KIF6: variants seen among roughly 807,000 people sequenced by gnomAD.
KIF6 encodes the protein kinesin family member 6.
Under a neutral mutation model 112.7 loss-of-function variants are expected in KIF6, and 106 were observed. The ratio of observed to expected loss-of-function variants is 0.94; its 90% CI spans 0.80 to 1.11. The LOEUF is 1.11. Ranked by LOEUF, KIF6 falls within the 50% of genes least tolerant of loss-of-function variation. The pLI is 0.00. For synonymous variants in KIF6, 339 were observed against 339.9 expected (o/e 1.00, Z 0.03); for missense variants, 929 against 964.0 (o/e 0.96, Z 0.48).
chr6:39,412,580 G>A (rs966020546), intron 15 of KIF6, among the ~76,000 whole-genome samples: 2 of 152,138 alleles, frequency 1.3e-5, no homozygotes, highest in African/African-American at 4.8e-5. Context: ...GTAATACACA[G>A]TCGGTTCTCT....
chr6:39,365,878 A>C (rs1255108376), intron 16 of KIF6, among the ~76,000 whole-genome samples: 1 of 152,136 alleles, frequency 6.6e-6, no homozygotes, highest in Non-Finnish European at 1.5e-5. Flanking sequence ...CGGCCAGAAG[A>C]GGCAGTCTCC....
chr6:39,485,987 C>A (rs960620110), intron 13 of KIF6, among the ~76,000 whole-genome samples: 8 of 152,146 alleles, frequency 5.3e-5, no homozygotes, highest in Non-Finnish European at 1.0e-4. Flanking sequence ...GGTGGCACAG[C>A]TAGGATGTGG....
chr6:39,391,424 T>C (rs949333616), intron 15 of KIF6, among the ~76,000 whole-genome samples: 4 of 152,198 alleles, frequency 2.6e-5, no homozygotes, highest in African/African-American at 4.8e-5. Flanking sequence ...TCCAACTCAA[T>C]GCAAGCCCAA....
chr6:39,520,817 C>T (rs1777353169), intron 13 of KIF6, among the ~76,000 whole-genome samples: 1 of 152,166 alleles, frequency 6.6e-6, no homozygotes, highest in Non-Finnish European at 1.5e-5. Context: ...CTCATTTCCC[C>T]TCACACACAT....
At chr6:39,521,921 C>A in intron 13 of KIF6, among the ~76,000 whole-genome samples, 1 of 152,202 alleles carries the variant, frequency 6.6e-6, no homozygotes, top group East Asian at 1.9e-4. Flanking sequence ...CTCCAGGCAA[C>A]TGTCATCCCA....
intron 2 of KIF6, among the ~76,000 whole-genome samples, chr6:39,717,315 T>G: frequency 6.6e-6 from 1 of 151,688 alleles, no homozygotes; most frequent in East Asian, 1.9e-4. Flanking sequence ...TACCTCTTGC[T>G]TACTCTACTC....
At chr6:39,609,546 G>A (rs1009858919) in intron 6 of KIF6, among the ~76,000 whole-genome samples, 5 of 152,076 alleles carry the variant, frequency 3.3e-5, no homozygotes, top group South Asian at 4.1e-4. Context: ...TGGGGTCAAC[G>A]GATCAATCAG....
intron 3 of KIF6, among the ~76,000 whole-genome samples, chr6:39,708,994 C>T (rs186856929): frequency 2.7e-4 from 41 of 151,954 alleles, no homozygotes; most frequent in Middle Eastern, 3.4e-3. Flanking sequence ...AAAATTCATC[C>T]AGAAATTAAT....
chr6:39,446,164 A>G (rs1236243883), intron 13 of KIF6, among the ~76,000 whole-genome samples: 1 of 152,222 alleles, frequency 6.6e-6, no homozygotes, highest in Non-Finnish European at 1.5e-5. Flanking sequence ...CGGATCTGCC[A>G]TTTATATTGC....
rs756787182 is a variant in KIF6, at chr6:39,362,407, A to G, written c.1946+27T>C. 7 of 1,577,340 alleles carry G rather than the reference A, an allele frequency of 4.4e-6. No homozygotes were observed. The Admixed American group carries it at 1.2e-4, about 26-fold the overall frequency. ...TGAGACCCTGGGAGGCTGGGCTCGG[A>G]CTGTGTGTGGCTAAAAGGAAGGGCA... On this transcript the variant is annotated intron_variant, in intron 17 of 22. Coordinates refer to ENST00000287152, the MANE Select transcript of KIF6 (RefSeq NM_145027.6).
intron 3 of KIF6, among the ~76,000 whole-genome samples, chr6:39,703,255 G>A (rs1232712238): frequency 1.3e-5 from 2 of 151,970 alleles, no homozygotes; most frequent in African/African-American, 4.8e-5. Context: ...TAGCAAGGAT[G>A]ATTTCAATGA....
At chr6:39,636,829 A>G (rs1424233638) in intron 4 of KIF6, among the ~76,000 whole-genome samples, 2 of 152,070 alleles carry the variant, frequency 1.3e-5, no homozygotes, top group East Asian at 3.8e-4. Flanking sequence ...TCTTAGCATC[A>G]GATAACAACT....
chr6:39,361,708 A>C (rs917606061), intron 17 of KIF6, among the ~76,000 whole-genome samples: 3 of 151,918 alleles, frequency 2.0e-5, no homozygotes, highest in Non-Finnish European at 4.4e-5. Flanking sequence ...CTGTAGGAAG[A>C]CACCTGCACA....
chr6:39,475,409 C>A (rs1366153696), intron 13 of KIF6, among the ~76,000 whole-genome samples: 1 of 152,168 alleles, frequency 6.6e-6, no homozygotes, highest in East Asian at 1.9e-4. Flanking sequence ...GGAAAGTTTG[C>A]AAGTATGCTT....
At chr6:39,484,249 C>A (rs1774983079) in intron 13 of KIF6, among the ~76,000 whole-genome samples, 1 of 152,128 alleles carries the variant, frequency 6.6e-6, no homozygotes, top group African/African-American at 2.4e-5. Context: ...GCTTAATTAA[C>A]AAATTAGACC....
rs1763662404 is a variant in KIF6, at chr6:39,345,790, C to A, written c.2232-1G>T. 1.9e-6 allele frequency: 3 copies of A among 1,611,660 alleles called. No individual in the cohort carries two copies. Among genetic ancestry groups the A allele is most frequent in the Non-Finnish European group, 2.5e-6 (3 of 1,178,568 alleles). On this transcript the variant is annotated splice_acceptor_variant, in intron 20 of 22. Transcript: ENST00000287152. LOFTEE classifies it high-confidence loss of function. ...CAGGATTTTCCTGGCATTCACATCA[C>A]TGCAAAACACAAACAAACAAAAGCA...
chr6:39,346,669 T>C (rs952371656), intron 19 of KIF6, 143 bp from the exon 20 acceptor site: 14 of 549,456 alleles, frequency 2.5e-5, no homozygotes, highest in Middle Eastern at 4.7e-4. Flanking sequence ...TTTTTTGAGA[T>C]GGAGTTTCAC....
intron 15 of KIF6, among the ~76,000 whole-genome samples, chr6:39,413,122 A>G (rs1457372508): frequency 6.6e-6 from 1 of 152,082 alleles, no homozygotes; most frequent in East Asian, 1.9e-4. Flanking sequence ...CCTCAGTCTT[A>G]ATTTTCCTAT....
chr6:39,476,930 C>T (rs1323861855), intron 13 of KIF6, among the ~76,000 whole-genome samples: 1 of 152,146 alleles, frequency 6.6e-6, no homozygotes, highest in African/African-American at 2.4e-5. Flanking sequence ...TCAATAACAT[C>T]AGCATTTATT....
Sources: gnomAD v4.1 joint callset for allele counts (sites outside exome capture counted in the v4.1 genomes callset) on GRCh38, gnomAD v4.1.1 for gene constraint, MANE v1.5 for transcripts, NCBI Gene and HGNC (gene_info 2026-07-23, HGNC 2026-07-21) for gene names.